CDC37L1: variants seen among roughly 807,000 people sequenced by gnomAD.
CDC37L1 encodes hsp90 co-chaperone Cdc37-like 1.
Under a neutral mutation model 45.9 loss-of-function variants are expected in CDC37L1, and 32 were observed. The ratio of observed to expected loss-of-function variants is 0.70; its 90% CI spans 0.53 to 0.94. The LOEUF is 0.94. Ranked by LOEUF, CDC37L1 falls within the 40% of genes least tolerant of loss-of-function variation. CDC37L1 has a pLI of 0.00. For synonymous variants in CDC37L1, 150 were observed against 133.0 expected (o/e 1.13, Z -0.88); for missense variants, 434 against 405.7 (o/e 1.07, Z -0.60).
intron 1 of CDC37L1, 87 bp downstream of exon 1, chr9:4,679,986 C>A: frequency 1.3e-6 from 2 of 1,513,568 alleles, no homozygotes; most frequent in Non-Finnish European, 1.8e-6. Flanking sequence ...CCCTCTTCTA[C>A]GCCTTTTTCT....
chr9:4,688,548 A>G lies in CDC37L1; in HGVS notation c.450A>G (p.Glu150=). ...FINQDKRKDT[E]DEDKSESFMQ... is the part of the protein sequence containing the mutation. ...ATCAAGATAAAAGAAAAGACACAGA[A>G]GATGAAGATAAATCAGAATCATTTA... Residue 150 remains glutamate, a synonymous_variant, in exon 3 of 7, where the codon GAA becomes GAG. Coordinates refer to ENST00000381854, the MANE Select transcript of CDC37L1 (RefSeq NM_017913.4). The G allele has an allele frequency of 6.5e-7, 1 of 1,533,636 alleles. No homozygotes were observed.
intron 2 of CDC37L1, among the ~76,000 whole-genome samples, chr9:4,687,965 G>C (rs1420654129): frequency 6.6e-6 from 1 of 152,118 alleles, no homozygotes; most frequent in Middle Eastern, 3.2e-3. Flanking sequence ...TTTTCTGTAT[G>C]ATTTCTAAGA....
chr9:4,683,111 AATATATTTTAT>A (rs1415564015), intron 1 of CDC37L1, among the ~76,000 whole-genome samples: 1 of 143,486 alleles, frequency 7.0e-6, no homozygotes, highest in East Asian at 2.0e-4. Flanking sequence ...TTATATATAA[AATATATTTTAT>A]ATATATTTTA....
Position 4,688,807 on chromosome 9 carries a change from A to C in CDC37L1, c.508+201A>C, listed in dbSNP as rs193057200. ...AAAATTAATTGACAGAGCAAACCAA[A>C]TGGTAAAGAGAAGCAAAAGTATTAT... On this transcript the variant is annotated intron_variant, in intron 3 of 6. Coordinates refer to ENST00000381854, the MANE Select transcript of CDC37L1 (RefSeq NM_017913.4). 1.1e-3 allele frequency among the ~76,000 whole-genome samples: 172 copies of C among 152,130 alleles called. 2 individuals are homozygous for C. The highest frequency in any genetic ancestry group is 3.9e-3 in the African/African-American group (163 of 41,530).
At chr9:4,703,171 A>T in intron 6 of CDC37L1, 8 of 1,474,718 alleles carry the variant, frequency 5.4e-6, no homozygotes, top group Non-Finnish European at 5.4e-6. Flanking sequence ...AGACAATGTG[A>T]GGAGAGTCCT....
chr9:4,680,058 C>T (rs553513851), intron 1 of CDC37L1, among the ~76,000 whole-genome samples, 159 bp downstream of exon 1: 26 of 152,340 alleles, frequency 1.7e-4, no homozygotes, highest in African/African-American at 2.6e-4. Context: ...CATCCCACCC[C>T]TTTTATGGCA....
chr9:4,684,790 GAA>G (rs1398705849), intron 1 of CDC37L1, 85 bp from the exon 2 acceptor site: 3 of 935,088 alleles, frequency 3.2e-6, no homozygotes, highest in Admixed American at 5.2e-5. Context: ...ATATTGTACA[GAA>G]ATCCTTTGAA....
At chr9:4,684,173 A>G (rs1841224524) in intron 1 of CDC37L1, among the ~76,000 whole-genome samples, 1 of 152,212 alleles carries the variant, frequency 6.6e-6, no homozygotes, top group South Asian at 2.1e-4. Context: ...AGTCCCAGGT[A>G]CTTGGGAGGC....
At chr9:4,699,804 C>G (rs1841380758) in intron 5 of CDC37L1, among the ~76,000 whole-genome samples, 1 of 152,178 alleles carries the variant, frequency 6.6e-6, no homozygotes, top group African/African-American at 2.4e-5. Context: ...GCTGAATAAA[C>G]TGTGCGCATA....
chr9:4,695,734 C>G (rs1037256430), intron 3 of CDC37L1, among the ~76,000 whole-genome samples: 1 of 152,120 alleles, frequency 6.6e-6, no homozygotes, highest in African/African-American at 2.4e-5. Flanking sequence ...TGGACTCCAC[C>G]ATTCCTCTGG....
chr9:4,690,708 AC>A (rs1587618422), intron 3 of CDC37L1, among the ~76,000 whole-genome samples: 2 of 152,328 alleles, frequency 1.3e-5, no homozygotes, highest in South Asian at 4.1e-4. Flanking sequence ...CTGTTTTCAC[AC>A]CCAGCCAGAC....
Position 4,688,510 on chromosome 9 carries a change from TAG to T in CDC37L1, c.415_416del. On this transcript the variant is annotated splice_acceptor_variant, in intron 2 of 6. Transcript: ENST00000381854. LOFTEE classifies it high-confidence loss of function. ...GATTTAAATTTCTAAAATTTTTTCT[TAG>T]AGTTTTATTAATCAAGATAAAAGAA... The T allele has an allele frequency of 7.1e-7, 1 of 1,416,236 alleles. No individual in the cohort carries two copies. 87.7% of individuals were successfully genotyped at this position (1,416,236 alleles called of 1,614,324 possible).
intron 4 of CDC37L1, 53 bp from the exon 5 acceptor site, chr9:4,697,704 C>T: frequency 4.7e-6 from 4 of 856,476 alleles, no homozygotes; most frequent in East Asian, 2.7e-5. Context: ...AATCAGTATG[C>T]CAATTAAATA....
intron 4 of CDC37L1, 84 bp from the exon 5 acceptor site, chr9:4,697,673 A>C (rs992487254): frequency 3.0e-6 from 2 of 671,290 alleles, no homozygotes; most frequent in Non-Finnish European, 5.1e-6. Context: ...AATCAAAAGT[A>C]TTTTAAAAAT....
intron 2 of CDC37L1, among the ~76,000 whole-genome samples, chr9:4,686,044 T>C (rs551112601): frequency 1.3e-5 from 2 of 152,312 alleles, no homozygotes; most frequent in East Asian, 3.9e-4. Context: ...GTGCCTGTAT[T>C]GCCTTAGTCC....
In CDC37L1 at chr9:4,693,568, T is replaced by C. The variant is rs554238873; in HGVS notation, c.509-3528T>C. ...ACCATTTTAGGAATCAGGTGGCATA[T>C]TGAAGGTTGATGATGGATTGAGATT... is the stretch of plus-strand genomic sequence containing the variant. On this transcript the variant is annotated intron_variant, in intron 3 of 6. Coordinates refer to ENST00000381854, the MANE Select transcript of CDC37L1 (RefSeq NM_017913.4). Among the ~76,000 whole-genome samples, 20 of 152,276 alleles carry C rather than the reference T, an allele frequency of 1.3e-4. No homozygotes were observed. In the East Asian group the frequency reaches 2.7e-3, roughly 21 times the overall value.
At position 4,706,096 on chromosome 9, in the gene CDC37L1, T is replaced by A; in HGVS notation, c.998T>A (p.Met333Lys). ...CATAAAGAAGATGATGAACCCAAAATGATGGACACTGTATAATTTGGTTAA... is the reference window on the plus strand; with the variant it reads ...CATAAAGAAGATGATGAACCCAAAAAGATGGACACTGTATAATTTGGTTAA... ...VVHKEDDEPK[M>K]MDTV is the part of the protein sequence containing the mutation. The change falls in exon 7 of 7, where the codon ATG (methionine) becomes AAG (lysine). Residue 333 changes from methionine (M) to lysine (K), a missense_variant. By Grantham distance (95) the Met-to-Lys change is moderately conservative. Coordinates refer to ENST00000381854, the MANE Select transcript of CDC37L1 (RefSeq NM_017913.4). 2 of 1,575,472 alleles carry A rather than the reference T, an allele frequency of 1.3e-6. No homozygotes were observed. The highest frequency in any genetic ancestry group is 2.7e-5 in the African/African-American group (2 of 74,236).
intron 1 of CDC37L1, among the ~76,000 whole-genome samples, chr9:4,682,827 A>G (rs1207267885): frequency 2.0e-5 from 3 of 151,824 alleles, no homozygotes; most frequent in Non-Finnish European, 1.5e-5. Flanking sequence ...AATAAGTTAT[A>G]TAGCTTAATT....
chr9:4,691,792 A>T (rs969691148), intron 3 of CDC37L1, among the ~76,000 whole-genome samples: 1 of 152,134 alleles, frequency 6.6e-6, no homozygotes, highest in Non-Finnish European at 1.5e-5. Context: ...AAAGCATTGA[A>T]ATCTGACTTT....
Sources: allele counts gnomAD v4.1 joint callset (sites outside exome capture counted in the v4.1 genomes callset), GRCh38; gene constraint gnomAD v4.1.1; transcripts MANE v1.5; gene names NCBI Gene and HGNC (gene_info 2026-07-23, HGNC 2026-07-21).